Variants in HOMER1 observed in about 807,000 individuals in gnomAD.
HOMER1 encodes homer scaffold protein 1, also known as homer protein homolog 1.
Under a neutral mutation model 48.9 loss-of-function variants are expected in HOMER1, and 3 were observed. The ratio of observed to expected loss-of-function variants is 0.06; its 90% CI spans 0.03 to 0.16. HOMER1 has a LOEUF of 0.16. Ranked by LOEUF, HOMER1 falls within the 10% of genes least tolerant of loss-of-function variation. The probability of loss-of-function intolerance (pLI) is 1.00; values close to 1 mark genes in which losing one functional copy is unlikely to be tolerated. For missense variants in HOMER1, 247 were observed against 411.4 expected (o/e 0.60, Z 3.46); for synonymous variants, 134 against 146.4 (o/e 0.92, Z 0.61).
intron 1 of HOMER1, among the ~76,000 whole-genome samples, chr5:79,509,845 G>A (rs980161366): frequency 1.3e-5 from 2 of 152,128 alleles, no homozygotes; most frequent in East Asian, 1.9e-4. Flanking sequence ...CAATTAAGAC[G>A]AAGATAAATC....
chr5:79,447,882 G>T (rs1319958369), intron 3 of HOMER1, among the ~76,000 whole-genome samples: 1 of 152,168 alleles, frequency 6.6e-6, no homozygotes, highest in East Asian at 1.9e-4. Flanking sequence ...GTGAGAATAA[G>T]TTAAGACTAC....
intron 1 of HOMER1, among the ~76,000 whole-genome samples, chr5:79,475,378 C>G (rs1751738108): frequency 1.3e-5 from 2 of 150,916 alleles, no homozygotes; most frequent in South Asian, 2.1e-4. Flanking sequence ...AAACTCATGC[C>G]TGACCCATGC....
intron 3 of HOMER1, among the ~76,000 whole-genome samples, chr5:79,449,084 T>C (rs956015062): frequency 6.6e-6 from 1 of 152,274 alleles, no homozygotes; most frequent in East Asian, 1.9e-4. Flanking sequence ...GCTCAGTAAC[T>C]TGAAAGATGT....
intron 5 of HOMER1, among the ~76,000 whole-genome samples, chr5:79,431,219 A>G (rs1750416674): frequency 6.6e-6 from 1 of 152,118 alleles, no homozygotes; most frequent in South Asian, 2.1e-4. Flanking sequence ...GCTACTTGGG[A>G]GGCTGAGGAA....
intron 1 of HOMER1, among the ~76,000 whole-genome samples, chr5:79,508,174 C>T (rs1752830015): frequency 6.6e-6 from 1 of 152,124 alleles, no homozygotes; most frequent in African/African-American, 2.4e-5. Flanking sequence ...TGCTTAAAAC[C>T]CTTTAGTAAT....
chr5:79,453,314 T>A (rs551817241), intron 2 of HOMER1, among the ~76,000 whole-genome samples: 1 of 152,206 alleles, frequency 6.6e-6, no homozygotes, highest in South Asian at 2.1e-4. Flanking sequence ...CAAAAGTGAG[T>A]CAACAACAGG....
At chr5:79,511,612 A>G (rs1276348331) in intron 1 of HOMER1, among the ~76,000 whole-genome samples, 1 of 152,204 alleles carries the variant, frequency 6.6e-6, no homozygotes, top group Non-Finnish European at 1.5e-5. Flanking sequence ...TGCAAGTTAT[A>G]TATATTCTCA....
At chr5:79,428,515 T>C (rs1580444777) in intron 5 of HOMER1, among the ~76,000 whole-genome samples, 1 of 152,200 alleles carries the variant, frequency 6.6e-6, no homozygotes, top group South Asian at 2.1e-4. Context: ...TATTTACAGA[T>C]GATATAATTT....
At chr5:79,384,225 T>G (rs1462246855) in intron 8 of HOMER1, among the ~76,000 whole-genome samples, 1 of 151,220 alleles carries the variant, frequency 6.6e-6, no homozygotes, top group Admixed American at 6.6e-5. Context: ...GAAACAAAAA[T>G]TTGGTTCTTT....
chr5:79,434,497 T>C (rs1407570098), intron 5 of HOMER1, among the ~76,000 whole-genome samples: 4 of 152,114 alleles, frequency 2.6e-5, no homozygotes, highest in South Asian at 4.1e-4. Flanking sequence ...AATCTAAGAT[T>C]GGTTTCAAAG....
chr5:79,477,122 A>T (rs1357943162), intron 1 of HOMER1, among the ~76,000 whole-genome samples: 1 of 152,212 alleles, frequency 6.6e-6, no homozygotes, highest in Non-Finnish European at 1.5e-5. Flanking sequence ...AGAGTCTGTA[A>T]CAAAGACTAT....
chr5:79,377,510 A>C (rs1748806902), intron 8 of HOMER1, among the ~76,000 whole-genome samples: 1 of 152,234 alleles, frequency 6.6e-6, no homozygotes, highest in Non-Finnish European at 1.5e-5. Context: ...TGACTGACAC[A>C]ATTTACATTA....
intron 8 of HOMER1, among the ~76,000 whole-genome samples, chr5:79,380,362 G>A (rs768213215): frequency 3.3e-5 from 5 of 152,314 alleles, no homozygotes; most frequent in Non-Finnish European, 5.9e-5. Context: ...AAACTGCAGT[G>A]TCCTAGAGCC....
At chr5:79,454,451 G>A (rs1027127096) in intron 2 of HOMER1, among the ~76,000 whole-genome samples, 1 of 151,296 alleles carries the variant, frequency 6.6e-6, no homozygotes, top group Non-Finnish European at 1.5e-5. Context: ...TTCAAATAAG[G>A]GAAAAGAAAT....
At chr5:79,397,063 T>C (rs1034075436) in intron 7 of HOMER1, among the ~76,000 whole-genome samples, 160 bp from the exon 8 acceptor site, 12 of 152,202 alleles carry the variant, frequency 7.9e-5, no homozygotes, top group African/African-American at 2.9e-4. Context: ...TTTATATGTA[T>C]GTTGTCTAGA....
At chr5:79,395,283 A>C (rs1749351783) in intron 8 of HOMER1, among the ~76,000 whole-genome samples, 1 of 152,196 alleles carries the variant, frequency 6.6e-6, no homozygotes, top group Non-Finnish European at 1.5e-5. Flanking sequence ...CCTTTCTTCC[A>C]GCCCTGATTC....
intron 1 of HOMER1, among the ~76,000 whole-genome samples, chr5:79,492,240 C>T (rs897341993): frequency 2.6e-4 from 40 of 151,712 alleles, no homozygotes; most frequent in Non-Finnish European, 7.4e-5. Flanking sequence ...ATGAAAGTGC[C>T]CATATAAAAA....
intron 4 of HOMER1, among the ~76,000 whole-genome samples, chr5:79,441,092 G>A (rs1488708591): frequency 3.9e-5 from 6 of 151,968 alleles, no homozygotes; most frequent in Admixed American, 1.3e-4. Flanking sequence ...CCTGGGAGGT[G>A]GAGGTTCCAG....
chr5:79,493,266 T>C (rs1752337803), intron 1 of HOMER1, among the ~76,000 whole-genome samples: 1 of 152,112 alleles, frequency 6.6e-6, no homozygotes, highest in Non-Finnish European at 1.5e-5. Flanking sequence ...GGTACAATAA[T>C]AACTAGATTT....
Sources: gnomAD v4.1 joint callset for allele counts (sites outside exome capture counted in the v4.1 genomes callset) on GRCh38, gnomAD v4.1.1 for gene constraint, MANE v1.5 for transcripts, NCBI Gene and HGNC (gene_info 2026-07-23, HGNC 2026-07-21) for gene names.